The following KCNN2 variants were observed in gnomAD, a reference collection of about 807,000 sequenced individuals.
KCNN2 encodes the protein small conductance calcium-activated potassium channel protein 2.
KCNN2 carries 24 observed loss-of-function variants against 55.5 expected under a neutral mutation model. The ratio of observed to expected loss-of-function variants is 0.43; its 90% CI spans 0.31 to 0.61. The LOEUF is 0.61. Among genes scored for constraint, KCNN2 ranks in the 20% least tolerant of loss-of-function variants. The pLI, the probability that KCNN2 is intolerant of heterozygous loss-of-function variation, is 0.08. For missense variants in KCNN2, 754 were observed against 853.6 expected, an observed-to-expected ratio of 0.88 and a Z score of 1.45; for synonymous variants, 431 against 336.1, an observed-to-expected ratio of 1.28 and a Z score of -3.09.
intron 1 of KCNN2, among the ~76,000 whole-genome samples, chr5:114,091,082 T>G (rs1438839735): frequency 6.6e-6 from 1 of 152,192 alleles, no homozygotes; most frequent in African/African-American, 2.4e-5. Flanking sequence ...TCAAGTGATC[T>G]ACCTGCCTTG....
At chr5:114,153,165 G>C (rs1177137878) in intron 1 of KCNN2, among the ~76,000 whole-genome samples, 2 of 152,168 alleles carry the variant, frequency 1.3e-5, no homozygotes, top group Non-Finnish European at 2.9e-5. Flanking sequence ...TGGGCAATTA[G>C]ATATATGAGT....
intron 2 of KCNN2, among the ~76,000 whole-genome samples, chr5:114,397,016 G>C (rs1039700375): frequency 2.0e-4 from 31 of 152,026 alleles, no homozygotes; most frequent in African/African-American, 7.3e-4. Flanking sequence ...TAGGATAATG[G>C]CCTCCAGTCC....
At chr5:114,190,140 C>T (rs1264657504) in intron 1 of KCNN2, among the ~76,000 whole-genome samples, 2 of 151,964 alleles carry the variant, frequency 1.3e-5, no homozygotes, top group Admixed American at 1.3e-4. Context: ...CTGTTCCCTG[C>T]CAAGCATTGC....
At chr5:114,378,326 A>T (rs1395544969) in intron 2 of KCNN2, among the ~76,000 whole-genome samples, 1 of 152,168 alleles carries the variant, frequency 6.6e-6, no homozygotes, top group African/African-American at 2.4e-5. Flanking sequence ...TCCTTTACAG[A>T]AAAAGTTTGC....
At chr5:114,470,691 C>T (rs948826914) in intron 4 of KCNN2, among the ~76,000 whole-genome samples, 68 of 152,338 alleles carry the variant, frequency 4.5e-4, no homozygotes, top group African/African-American at 1.6e-3. Flanking sequence ...ATCACACCCT[C>T]TGCCTTTACT....
At chr5:114,273,862 A>G (rs1176114528) in intron 2 of KCNN2, among the ~76,000 whole-genome samples, 6 of 152,136 alleles carry the variant, frequency 3.9e-5, no homozygotes, top group African/African-American at 1.4e-4. Context: ...ATTAGATCCC[A>G]TTTGTCAATT....
At chr5:114,223,069 A>G (rs1035366307) in intron 2 of KCNN2, among the ~76,000 whole-genome samples, 3 of 74,972 alleles carry the variant, frequency 4.0e-5, no homozygotes. Flanking sequence ...ACAAAATGTA[A>G]ACCTAATAAA....
At chr5:114,427,224 A>G (rs1184668599) in intron 3 of KCNN2, among the ~76,000 whole-genome samples, 1 of 152,160 alleles carries the variant, frequency 6.6e-6, no homozygotes, top group Non-Finnish European at 1.5e-5. Flanking sequence ...TTTTCTACTC[A>G]CCTGGTACTT....
intron 2 of KCNN2, among the ~76,000 whole-genome samples, chr5:114,387,700 G>A: frequency 6.6e-6 from 1 of 152,072 alleles, no homozygotes. Flanking sequence ...CTCCAATAGA[G>A]CCTCTTTGTT....
chr5:114,213,523 C>T (rs1174224075), intron 1 of KCNN2, among the ~76,000 whole-genome samples: 4 of 150,786 alleles, frequency 2.7e-5, no homozygotes, highest in African/African-American at 9.7e-5. Context: ...AATTTGCATT[C>T]CTGAAATGTC....
chr5:114,184,818 A>G (rs1753300047), intron 1 of KCNN2, among the ~76,000 whole-genome samples: 1 of 152,216 alleles, frequency 6.6e-6, no homozygotes, highest in Non-Finnish European at 1.5e-5. Context: ...GTTTCAGATT[A>G]TCCCTAATAC....
Position 114,449,825 on chromosome 5 carries a change from C to T in KCNN2, c.1638-13224C>T, listed in dbSNP as rs368869419. On this transcript the variant is annotated intron_variant, in intron 3 of 7. Coordinates refer to ENST00000673685, the MANE Select transcript of KCNN2 (RefSeq NM_021614.4). ...GAGGGGTGAAATGTACAGATGCTGC[C>T]TCCTCAGATCTGCTACCTTAGATTG... Among the ~76,000 whole-genome samples the T allele has an allele frequency of 1.7e-3, 264 of 151,872 alleles. 2 individuals are homozygous for T. In the South Asian group the frequency reaches 0.022, roughly 13 times the overall value.
chr5:114,409,778 C>T (rs1446552492), intron 3 of KCNN2, among the ~76,000 whole-genome samples: 1 of 152,106 alleles, frequency 6.6e-6, no homozygotes, highest in Non-Finnish European at 1.5e-5. Context: ...ATGGGGAGAG[C>T]ATCCTATGGG....
chr5:114,075,010 C>G (rs1179781847), intron 1 of KCNN2, among the ~76,000 whole-genome samples: 1 of 152,224 alleles, frequency 6.6e-6, no homozygotes, highest in Non-Finnish European at 1.5e-5. Context: ...TTCCCTTCTT[C>G]CCTTCTTCCT....
intron 1 of KCNN2, among the ~76,000 whole-genome samples, chr5:114,084,492 C>A (rs772719291): frequency 2.0e-5 from 3 of 151,918 alleles, no homozygotes; most frequent in Non-Finnish European, 4.4e-5. Context: ...CTGTTCAGAT[C>A]TTTTTCTTAT....
At chr5:114,092,652 C>T (rs1751169147) in intron 1 of KCNN2, among the ~76,000 whole-genome samples, 1 of 152,232 alleles carries the variant, frequency 6.6e-6, no homozygotes, top group African/African-American at 2.4e-5. Flanking sequence ...CAGGCATTTC[C>T]TTACATCCTC....
chr5:114,237,280 A>ACACACACT (rs1443487224), intron 2 of KCNN2, among the ~76,000 whole-genome samples: 1 of 150,818 alleles, frequency 6.6e-6, no homozygotes, highest in Non-Finnish European at 1.5e-5. Flanking sequence ...ACACACACAC[A>ACACACACT]CACACACACA....
rs5870610 is a variant in KCNN2 at position 114,444,396 on chromosome 5, G to GAA, written c.1638-18646_1638-18645dup. Reference sequence around the variant, plus strand: ...GGCCAAAGTGGGGATTAAGATACAAGAAAAAAAAGACAGCATATGAGAATC... The same window carrying GAA: ...GGCCAAAGTGGGGATTAAGATACAAGAAAAAAAAAAGACAGCATATGAGAATC... On this transcript the variant is annotated intron_variant, in intron 3 of 7. Coordinates refer to ENST00000673685, the MANE Select transcript of KCNN2 (RefSeq NM_021614.4). Among the ~76,000 whole-genome samples, 8 of 151,490 alleles carry GAA rather than the reference G, an allele frequency of 5.3e-5. No homozygotes were observed. In the South Asian group the frequency reaches 8.3e-4, roughly 16 times the overall value.
intron 1 of KCNN2, among the ~76,000 whole-genome samples, chr5:114,065,860 T>G (rs1274580410): frequency 1.4e-5 from 2 of 140,954 alleles, no homozygotes; most frequent in African/African-American, 2.7e-5. Context: ...TTTTTTTTTT[T>G]TTTTTTTTTT....
Sources: gnomAD v4.1 joint callset for allele counts (sites outside exome capture counted in the v4.1 genomes callset) on GRCh38, gnomAD v4.1.1 for gene constraint, MANE v1.5 for transcripts, NCBI Gene and HGNC (gene_info 2026-07-23, HGNC 2026-07-21) for gene names.